The following CUX1 variants were observed in gnomAD, a reference collection of about 807,000 sequenced individuals.
CUX1 encodes cut like homeobox 1.
CUX1 carries 31 observed loss-of-function variants against 158.8 expected under a neutral mutation model. The observed-to-expected ratio is 0.20, with a 90% CI of 0.15 to 0.26. CUX1 has a LOEUF of 0.26. CUX1 is among the 10% of genes least tolerant of loss of function. The pLI, the probability that CUX1 is intolerant of heterozygous loss-of-function variation, is 1.00. For missense variants in CUX1, 1,589 were observed against 2,014.6 expected (o/e 0.79, Z 4.04); for synonymous variants, 879 against 862.1 (o/e 1.02, Z -0.34).
chr7:102,173,034 C>G (rs1791904969), intron 10 of CUX1, among the ~76,000 whole-genome samples: 1 of 151,898 alleles, frequency 6.6e-6, no homozygotes, highest in Admixed American at 6.6e-5. Flanking sequence ...GTGCTCCAAC[C>G]TGGGCAACAG....
At position 102,256,145 on chromosome 7, in the gene CUX1, CTGACGAGG is replaced by C; in HGVS notation, c.*7104_*7111del. 1 of 985,432 alleles carries C rather than the reference CTGACGAGG, an allele frequency of 1.0e-6. No individual in the cohort carries two copies. The highest frequency in any genetic ancestry group is 4.7e-5 in the South Asian group (1 of 21,290). The allele number at this position is 985,432 out of a possible 1,614,324, so 61.0% of individuals were successfully genotyped here. On this transcript the variant is annotated 3_prime_UTR_variant, in exon 24 of 24. Transcript: ENST00000292535. ...GCGGGCTCTGGCCGGAGCCGCTGGC[CTGACGAGG>C]CAGGATAGGGAGTATCCGTGATTCA...
At chr7:101,892,693 A>G (rs974895571) in intron 1 of CUX1, among the ~76,000 whole-genome samples, 5 of 152,128 alleles carry the variant, frequency 3.3e-5, no homozygotes, top group Admixed American at 3.3e-4. Flanking sequence ...CCCTTTGCCA[A>G]AATACTTTTT....
chr7:102,183,982 C>T (rs1207959171), intron 11 of CUX1, among the ~76,000 whole-genome samples: 1 of 152,124 alleles, frequency 6.6e-6, no homozygotes, highest in Non-Finnish European at 1.5e-5. Flanking sequence ...ACTGTAGCCT[C>T]GACCTCCCTG....
intron 2 of CUX1, among the ~76,000 whole-genome samples, chr7:101,992,871 G>A (rs183025504): frequency 6.7e-6 from 1 of 148,826 alleles, no homozygotes; most frequent in Admixed American, 6.8e-5. Flanking sequence ...CAACAATCTA[G>A]TTCCATTTGC....
chr7:102,077,525 C>CT (rs1350288810), intron 4 of CUX1, among the ~76,000 whole-genome samples: 2 of 58,706 alleles, frequency 3.4e-5, no homozygotes, highest in East Asian at 8.2e-4. Context: ...CCCCCCATCT[C>CT]TTTAAAAAAA....
At chr7:102,103,892 C>A (rs1554487447) in intron 5 of CUX1, among the ~76,000 whole-genome samples, 1 of 152,072 alleles carries the variant, frequency 6.6e-6, no homozygotes, top group East Asian at 1.9e-4. Flanking sequence ...TTTCTTGACT[C>A]CACTTCGATT....
chr7:102,006,243 C>A (rs1817361969), intron 2 of CUX1, among the ~76,000 whole-genome samples: 1 of 152,152 alleles, frequency 6.6e-6, no homozygotes, highest in Non-Finnish European at 1.5e-5. Flanking sequence ...AGTTGGAAAC[C>A]TGCCTTTTAA....
chr7:102,132,183 C>T (rs1367019208), intron 8 of CUX1, among the ~76,000 whole-genome samples: 1 of 141,762 alleles, frequency 7.1e-6, no homozygotes, highest in Non-Finnish European at 1.5e-5. Flanking sequence ...GATGGATGGG[C>T]GGGTGGATAG....
Position 101,834,426 on chromosome 7 carries a change from G to T in CUX1, c.30+16757G>T, listed in dbSNP as rs563731757. On this transcript the variant is annotated intron_variant, in intron 1 of 23. Coordinates refer to ENST00000292535, the MANE Select transcript of CUX1 (RefSeq NM_181552.4). The stretch of plus-strand genomic sequence containing the variant: ...TGACCTCAGGTGATCTACCTGCCTT[G>T]GCCTCCCAAATGCTGGGATTACAGG... Among the ~76,000 whole-genome samples the T allele has an allele frequency of 1.8e-4, 27 of 152,170 alleles. No homozygotes were observed. The Middle Eastern group carries it at 0.01, about 58-fold the overall frequency.
intron 10 of CUX1, among the ~76,000 whole-genome samples, chr7:102,171,610 G>A (rs781979204): frequency 9.2e-5 from 14 of 151,954 alleles, no homozygotes; most frequent in Admixed American, 3.9e-4. Context: ...ACCACACCTG[G>A]CTGATTTTGG....
At chr7:102,189,698 A>G in intron 11 of CUX1, 115 bp from the exon 12 acceptor site, 2 of 1,122,408 alleles carry the variant, frequency 1.8e-6, no homozygotes, top group Non-Finnish European at 1.3e-6. Flanking sequence ...CTCCATTCGC[A>G]AGGGCTGGCT....
At chr7:102,052,903 G>T (rs972981682) in intron 3 of CUX1, among the ~76,000 whole-genome samples, 2 of 151,942 alleles carry the variant, frequency 1.3e-5, no homozygotes, top group South Asian at 2.1e-4. Context: ...TGCCTCGCAG[G>T]TTCAAGCGAT....
In CUX1 at chr7:101,869,677, C is replaced by T. The variant is rs961891667; in HGVS notation, c.31-46438C>T. Among the ~76,000 whole-genome samples, 2 of 152,082 alleles carry T rather than the reference C, an allele frequency of 1.3e-5. No individual in the cohort carries two copies. Among genetic ancestry groups the T allele is most frequent in the Admixed American group, 6.5e-5 (1 of 15,284 alleles). On this transcript the variant is annotated intron_variant, in intron 1 of 23. Coordinates refer to ENST00000292535, the MANE Select transcript of CUX1 (RefSeq NM_181552.4). This position sits in a 1 kb window ranked among gnomAD's most constrained non-coding sequence, Gnocchi z 4.5. ...GCGGGGAGCCTCCGTGTCCTCAGGA[C>T]ACCATGGAAGACGGCAGGACACACG...
upstream of CUX1, chr7:101,816,863 G>C (rs1244902444): frequency 1.0e-6 from 1 of 969,920 alleles, no homozygotes; most frequent in Non-Finnish European, 1.2e-6. Context: ...GCCCCCGGCT[G>C]TCACCGGCCC....
intron 14 of CUX1, among the ~76,000 whole-genome samples, chr7:102,265,190 T>C (rs570351897): frequency 3.9e-5 from 6 of 152,072 alleles, no homozygotes; most frequent in African/African-American, 1.4e-4. Context: ...ACCCTGTCTC[T>C]ACTAAAAATA....
At chr7:102,139,161 C>T (rs1299952900) in intron 8 of CUX1, among the ~76,000 whole-genome samples, 1 of 148,572 alleles carries the variant, frequency 6.7e-6, no homozygotes, top group African/African-American at 2.5e-5. Flanking sequence ...CCGGGAATCA[C>T]TTGAACCCGG....
chr7:101,842,447 G>T (rs1316272118), intron 1 of CUX1, among the ~76,000 whole-genome samples: 1 of 152,172 alleles, frequency 6.6e-6, no homozygotes, highest in African/African-American at 2.4e-5. Context: ...GCACGCAGTG[G>T]CGTGATCTCT....
rs2131985441 is a variant in CUX1, at chr7:102,197,226, G to A, written c.1815G>A (p.Glu605=). ...ATAAACTGACTGTTCGTGGCAAGGAGCCATTTCACAAGATGAAACAGTTCC... is the reference window on the plus strand; with the variant it reads ...ATAAACTGACTGTTCGTGGCAAGGAACCATTTCACAAGATGAAACAGTTCC... The part of the protein sequence containing the change: ...PWNKLTVRGK[E]PFHKMKQFLS... The change falls in exon 15 of 24, where the codon GAG becomes GAA. Residue 605 remains glutamate, a synonymous_variant. Transcript: ENST00000292535. 2 of 1,614,214 alleles carry A rather than the reference G, an allele frequency of 1.2e-6. No homozygotes were observed. Among genetic ancestry groups the A allele is most frequent in the South Asian group, 2.2e-5 (2 of 91,092 alleles).
chr7:101,851,247 G>A (rs1422091752), intron 1 of CUX1, among the ~76,000 whole-genome samples: 5 of 152,262 alleles, frequency 3.3e-5, no homozygotes, highest in Non-Finnish European at 7.4e-5. Flanking sequence ...CTTAATGTAT[G>A]CCTAAACTCT....
Sources: allele counts gnomAD v4.1 joint callset (sites outside exome capture counted in the v4.1 genomes callset), GRCh38; gene constraint gnomAD v4.1.1; non-coding constraint Gnocchi (gnomAD v3.1); transcripts MANE v1.5; gene names NCBI Gene and HGNC (gene_info 2026-07-23, HGNC 2026-07-21).